BNC2: variants seen among roughly 807,000 people sequenced by gnomAD.
BNC2 encodes the protein basonuclin zinc finger protein 2.
BNC2 carries 20 observed loss-of-function variants against 76.3 expected under a neutral mutation model. That is an observed-to-expected ratio of 0.26 (90% CI 0.18 to 0.38). The LOEUF (loss-of-function observed/expected upper bound fraction) is 0.38, where lower values mean the gene tolerates loss of function less well. Among genes scored for constraint, BNC2 ranks in the 10% least tolerant of loss-of-function variants. The pLI, the probability that BNC2 is intolerant of heterozygous loss-of-function variation, is 1.00. For missense variants in BNC2, 1,382 were observed against 1,399.8 expected (o/e 0.99, Z 0.20); for synonymous variants, 582 against 514.8 (o/e 1.13, Z -1.77).
intron 5 of BNC2, among the ~76,000 whole-genome samples, chr9:16,464,885 T>C (rs1024397349): frequency 1.3e-5 from 2 of 152,220 alleles, no homozygotes; most frequent in Non-Finnish European, 2.9e-5. Context: ...GTGATGTCTG[T>C]GACTGAACTA....
chr9:16,534,176 T>C (rs1563828685), intron 5 of BNC2, among the ~76,000 whole-genome samples: 1 of 152,188 alleles, frequency 6.6e-6, no homozygotes, highest in Non-Finnish European at 1.5e-5. Context: ...TGAGGATTAC[T>C]AGTTTTGGCA....
intron 5 of BNC2, among the ~76,000 whole-genome samples, chr9:16,540,302 T>G (rs1818280001): frequency 6.6e-6 from 1 of 152,060 alleles, no homozygotes; most frequent in Non-Finnish European, 1.5e-5. Context: ...GAATTTAGAC[T>G]GGAGAAACAT....
intron 3 of BNC2, among the ~76,000 whole-genome samples, chr9:16,638,747 T>C (rs1245039885): frequency 2.0e-5 from 3 of 152,058 alleles, no homozygotes; most frequent in Non-Finnish European, 2.9e-5. Flanking sequence ...AAACTACAAA[T>C]AGAGTACGAT....
intron 5 of BNC2, among the ~76,000 whole-genome samples, chr9:16,514,941 T>C: frequency 6.6e-6 from 1 of 152,198 alleles, no homozygotes; most frequent in Non-Finnish European, 1.5e-5. Flanking sequence ...ACCACCACAT[T>C]GATTACTGAT....
intron 3 of BNC2, among the ~76,000 whole-genome samples, chr9:16,652,931 T>C (rs1821832741): frequency 6.6e-6 from 1 of 152,198 alleles, no homozygotes; most frequent in Non-Finnish European, 1.5e-5. Flanking sequence ...AGATAGGGTA[T>C]ACTTCCTCAA....
chr9:16,745,248 T>G (rs750697059), intron 1 of BNC2, among the ~76,000 whole-genome samples: 11 of 152,202 alleles, frequency 7.2e-5, no homozygotes, highest in Admixed American at 1.3e-4. Context: ...CATTTCAAAG[T>G]AGAAGACCAC....
chr9:16,790,362 A>G (rs898072840), intron 1 of BNC2, among the ~76,000 whole-genome samples: 206 of 152,214 alleles, frequency 1.4e-3, no homozygotes, highest in African/African-American at 4.7e-3. Context: ...TTTTTTGTCA[A>G]AACAGTAAAA....
intron 3 of BNC2, among the ~76,000 whole-genome samples, chr9:16,675,365 C>T (rs770857251): frequency 3.9e-5 from 6 of 152,190 alleles, no homozygotes; most frequent in Non-Finnish European, 7.4e-5. Flanking sequence ...GTGATGCTCC[C>T]GCCTCAGCCT....
Position 16,604,124 on chromosome 9 carries a change from C to T in BNC2, c.331-21039G>A, listed in dbSNP as rs184117632. Among the ~76,000 whole-genome samples the T allele has an allele frequency of 1.1e-4, 16 of 152,238 alleles. No homozygotes were observed. The East Asian group carries it at 2.7e-3, about 26-fold the overall frequency. On this transcript the variant is annotated intron_variant, in intron 3 of 6. Transcript: ENST00000380672. ...TCTCTTCGTATTGTTCTAATTAGTT[C>T]ACAATTTTAAAACCACTAACAACTA... is the stretch of plus-strand genomic sequence containing the variant.
At chr9:16,462,690 A>T (rs1245029507) in intron 5 of BNC2, among the ~76,000 whole-genome samples, 1 of 152,174 alleles carries the variant, frequency 6.6e-6, no homozygotes, top group Non-Finnish European at 1.5e-5. Flanking sequence ...GGGGAGACAG[A>T]ACCTATCATC....
chr9:16,549,366 T>C (rs1005295634), intron 5 of BNC2, among the ~76,000 whole-genome samples: 3 of 152,236 alleles, frequency 2.0e-5, no homozygotes, highest in Admixed American at 2.0e-4. Context: ...CTAACCTGCC[T>C]TGATAATTAT....
intron 5 of BNC2, among the ~76,000 whole-genome samples, chr9:16,508,176 A>G (rs535874317): frequency 6.6e-5 from 10 of 152,356 alleles, no homozygotes; most frequent in African/African-American, 2.4e-4. Context: ...AATTCAACAC[A>G]CTAACAAATT....
At chr9:16,517,042 A>G (rs1260034513) in intron 5 of BNC2, among the ~76,000 whole-genome samples, 1 of 152,224 alleles carries the variant, frequency 6.6e-6, no homozygotes, top group South Asian at 2.1e-4. Flanking sequence ...ACGAAGCCAA[A>G]AAGTTTGGAT....
chr9:16,859,595 C>T (rs553858464), intron 1 of BNC2, among the ~76,000 whole-genome samples: 7 of 152,042 alleles, frequency 4.6e-5, no homozygotes, highest in African/African-American at 1.7e-4. Flanking sequence ...GTGAAATAAG[C>T]CGGAACAAAA....
chr9:16,524,214 G>C (rs1817720386), intron 5 of BNC2, among the ~76,000 whole-genome samples: 1 of 152,194 alleles, frequency 6.6e-6, no homozygotes, highest in East Asian at 1.9e-4. Flanking sequence ...TGACCCCTTT[G>C]AAACTGCTAC....
chr9:16,846,427 T>A (rs1343709517), intron 1 of BNC2, among the ~76,000 whole-genome samples: 1 of 152,200 alleles, frequency 6.6e-6, no homozygotes, highest in Non-Finnish European at 1.5e-5. Flanking sequence ...ACCAATTCTG[T>A]GGTATATTCT....
intron 5 of BNC2, among the ~76,000 whole-genome samples, chr9:16,475,589 TTCTC>T (rs1200036635): frequency 1.3e-5 from 2 of 152,252 alleles, no homozygotes; most frequent in African/African-American, 2.4e-5. Flanking sequence ...GCTGCTGTGA[TTCTC>T]TCTACTTCTC....
In BNC2 at chr9:16,481,096, G is replaced by A. The variant is rs755151707; in HGVS notation, c.670-43572C>T. Among the ~76,000 whole-genome samples, 6 of 152,150 alleles carry A rather than the reference G, an allele frequency of 3.9e-5. 1 individual carries two copies. Among genetic ancestry groups the A allele is most frequent in the Non-Finnish European group, 7.3e-5 (5 of 68,030 alleles). On this transcript the variant is annotated intron_variant, in intron 5 of 6. Coordinates refer to ENST00000380672, the MANE Select transcript of BNC2 (RefSeq NM_017637.6). ...ATCAGCACCCTGTGTCTAGCTCAGG[G>A]TTTGGGCTCTGGTGGGGCCTTGGAG...
At chr9:16,608,078 G>T (rs111521542) in intron 3 of BNC2, among the ~76,000 whole-genome samples, 1 of 152,110 alleles carries the variant, frequency 6.6e-6, no homozygotes, top group Non-Finnish European at 1.5e-5. Flanking sequence ...TTTACGTCAG[G>T]GGAGGGCAGG....
Sources: allele counts gnomAD v4.1 joint callset (sites outside exome capture counted in the v4.1 genomes callset), GRCh38; gene constraint gnomAD v4.1.1; transcripts MANE v1.5; gene names NCBI Gene and HGNC (gene_info 2026-07-23, HGNC 2026-07-21).